Variants in PIBF1 observed in about 807,000 individuals in gnomAD.
PIBF1 encodes progesterone-induced-blocking factor 1.
In PIBF1, 90 loss-of-function variants were observed where a neutral mutation model predicts 112.5. The ratio of observed to expected loss-of-function variants is 0.80; its 90% confidence interval spans 0.67 to 0.95. PIBF1 has a LOEUF of 0.95. Ranked by LOEUF, PIBF1 falls within the 40% of genes least tolerant of loss-of-function variation. The pLI, the probability that PIBF1 is intolerant of heterozygous loss-of-function variation, is 0.00. For synonymous variants in PIBF1, 301 were observed against 288.6 expected, an observed-to-expected ratio of 1.04 and a Z score of -0.44; for missense variants, 915 against 852.3, an observed-to-expected ratio of 1.07 and a Z score of -0.92.
intron 10 of PIBF1, among the ~76,000 whole-genome samples, chr13:72,875,795 T>C (rs1477256119): frequency 1.3e-5 from 2 of 152,188 alleles, no homozygotes; most frequent in Non-Finnish European, 2.9e-5. Flanking sequence ...TTGTTTGTTA[T>C]CTTGTTGAGT....
At chr13:72,884,097 G>A (rs757335114) in intron 10 of PIBF1, among the ~76,000 whole-genome samples, 1 of 151,932 alleles carries the variant, frequency 6.6e-6, no homozygotes, top group Non-Finnish European at 1.5e-5. Flanking sequence ...TACGTACTAC[G>A]TACCTATAAA....
intron 9 of PIBF1, among the ~76,000 whole-genome samples, chr13:72,851,405 C>T (rs1474867006): frequency 6.6e-6 from 1 of 152,256 alleles, no homozygotes; most frequent in African/African-American, 2.4e-5. Context: ...TGCAGGTGTG[C>T]CCGCTCTTGG....
chr13:72,789,869 A>T (rs939237761), intron 2 of PIBF1, among the ~76,000 whole-genome samples: 3 of 152,074 alleles, frequency 2.0e-5, no homozygotes, highest in Non-Finnish European at 2.9e-5. Context: ...AGCATTTTGA[A>T]TTTCAGATTT....
At chr13:72,990,112 G>T (rs1163244350) in intron 16 of PIBF1, among the ~76,000 whole-genome samples, 1 of 151,258 alleles carries the variant, frequency 6.6e-6, no homozygotes, top group Non-Finnish European at 1.5e-5. Context: ...TACTCTGGAG[G>T]CTGAGGCAGG....
At chr13:72,839,212 T>C (rs2037495614) in intron 9 of PIBF1, among the ~76,000 whole-genome samples, 2 of 152,084 alleles carry the variant, frequency 1.3e-5, no homozygotes, top group Non-Finnish European at 2.9e-5. Flanking sequence ...TGGATTAGTA[T>C]CAGTAAAGAT....
At chr13:72,827,569 G>C (rs924154803) in intron 7 of PIBF1, among the ~76,000 whole-genome samples, 164 bp from the exon 8 acceptor site, 5 of 152,118 alleles carry the variant, frequency 3.3e-5, no homozygotes, top group African/African-American at 9.6e-5. Context: ...ACTTTTAGTA[G>C]CTATTTTTAG....
At chr13:73,014,060 C>T (rs1291555585) in intron 17 of PIBF1, among the ~76,000 whole-genome samples, 1 of 151,072 alleles carries the variant, frequency 6.6e-6, no homozygotes, top group African/African-American at 2.4e-5. Context: ...CCTCCCCTCC[C>T]CTCCACTCCC....
At chr13:72,920,056 CACAA>C (rs1185682772) in intron 13 of PIBF1, among the ~76,000 whole-genome samples, 3 of 152,170 alleles carry the variant, frequency 2.0e-5, no homozygotes, top group Admixed American at 6.5e-5. Context: ...TCTTCAGAAT[CACAA>C]ACAATTATTG....
At chr13:73,005,094 G>T (rs921841713) in intron 17 of PIBF1, among the ~76,000 whole-genome samples, 1 of 152,104 alleles carries the variant, frequency 6.6e-6, no homozygotes, top group Non-Finnish European at 1.5e-5. Flanking sequence ...AGAATCACTT[G>T]AACCTGGGAG....
intron 14 of PIBF1, among the ~76,000 whole-genome samples, chr13:72,952,391 T>C (rs1284298126): frequency 6.6e-6 from 1 of 152,034 alleles, no homozygotes; most frequent in Non-Finnish European, 1.5e-5. Flanking sequence ...CACCTTTCTC[T>C]CATATCTCCT....
intron 17 of PIBF1, among the ~76,000 whole-genome samples, chr13:73,014,001 C>G (rs2044306892): frequency 6.6e-6 from 1 of 152,108 alleles, no homozygotes; most frequent in Non-Finnish European, 1.5e-5. Context: ...ACAGAAAGCA[C>G]TAGGCCCAGA....
chr13:72,929,771 T>C (rs1159161117), intron 13 of PIBF1, among the ~76,000 whole-genome samples: 1 of 152,138 alleles, frequency 6.6e-6, no homozygotes, highest in Non-Finnish European at 1.5e-5. Flanking sequence ...GCAACTCAAA[T>C]CACTTTATAA....
intron 14 of PIBF1, among the ~76,000 whole-genome samples, chr13:72,955,934 CTCTCT>C (rs2042433632): frequency 6.6e-6 from 1 of 152,204 alleles, no homozygotes; most frequent in Non-Finnish European, 1.5e-5. Context: ...AATTCACCAT[CTCTCT>C]AGATTGCTTT....
At chr13:72,829,899 TC>T (rs1329200261) in intron 8 of PIBF1, among the ~76,000 whole-genome samples, 2 of 152,228 alleles carry the variant, frequency 1.3e-5, no homozygotes, top group Admixed American at 6.5e-5. Flanking sequence ...TATTGAATCT[TC>T]CTATCCGTGA....
At chr13:72,915,856 C>G (rs1446710559) in intron 12 of PIBF1, among the ~76,000 whole-genome samples, 2 of 152,118 alleles carry the variant, frequency 1.3e-5, no homozygotes, top group Non-Finnish European at 2.9e-5. Flanking sequence ...AAATGTATCC[C>G]TATTACATTG....
chr13:72,818,304 T>G (rs1386707308), intron 5 of PIBF1, among the ~76,000 whole-genome samples: 1 of 152,154 alleles, frequency 6.6e-6, no homozygotes, highest in Non-Finnish European at 1.5e-5. Flanking sequence ...TTCCTCTTTG[T>G]TTAATGAAAG....
chr13:72,784,799 G>A (rs1165649835), intron 2 of PIBF1, among the ~76,000 whole-genome samples: 1 of 152,022 alleles, frequency 6.6e-6, no homozygotes, highest in East Asian at 1.9e-4. Context: ...AATATGGAGT[G>A]ATTTAAACGT....
chr13:72,814,843 A>G (rs2036192318), intron 5 of PIBF1, among the ~76,000 whole-genome samples: 1 of 152,232 alleles, frequency 6.6e-6, no homozygotes, highest in African/African-American at 2.4e-5. Context: ...AAGTAAGGGA[A>G]AATACATACA....
Position 72,792,497 on chromosome 13 carries a change from A to G in PIBF1, c.303A>G (p.Leu101=), listed in dbSNP as rs757356926. ...ATGATGCACTTCACCAGAAGCAGCT[A>G]CTAACATTGAGATTAGACAACCAAT... The part of the protein sequence containing the change: ...KLNDALHQKQ[L]LTLRLDNQLA... The change falls in exon 3 of 18, where the codon CTA becomes CTG. Residue 101 remains leucine, a synonymous_variant. Transcript: ENST00000326291. 1.3e-6 allele frequency: 2 copies of G among 1,579,500 alleles called. No homozygotes were observed. Among genetic ancestry groups the G allele is most frequent in the South Asian group, 1.2e-5 (1 of 82,840 alleles).
Sources: allele counts gnomAD v4.1 joint callset (sites outside exome capture counted in the v4.1 genomes callset), GRCh38; gene constraint gnomAD v4.1.1; transcripts MANE v1.5; gene names NCBI Gene and HGNC (gene_info 2026-07-23, HGNC 2026-07-21).